The following TSPAN5 variants were observed in gnomAD, a reference collection of about 807,000 sequenced individuals.
TSPAN5 encodes tetraspanin-5.
In TSPAN5, 10 loss-of-function variants were observed where a neutral mutation model predicts 37.1. The ratio of observed to expected loss-of-function variants is 0.27; its 90% confidence interval spans 0.17 to 0.46. The LOEUF (loss-of-function observed/expected upper bound fraction) is 0.46, where lower values mean the gene tolerates loss of function less well. Among genes scored for constraint, TSPAN5 ranks in the 20% least tolerant of loss-of-function variants. The pLI is 1.00. For missense variants in TSPAN5, 195 were observed against 326.6 expected, an observed-to-expected ratio of 0.60 and a Z score of 3.11; for synonymous variants, 110 against 118.9, an observed-to-expected ratio of 0.93 and a Z score of 0.48.
intron 1 of TSPAN5, among the ~76,000 whole-genome samples, chr4:98,550,381 T>C (rs531652832): frequency 1.3e-5 from 2 of 152,324 alleles, no homozygotes; most frequent in African/African-American, 4.8e-5. Flanking sequence ...TTTGGTTCCA[T>C]ATGAATTTTA....
intron 2 of TSPAN5, among the ~76,000 whole-genome samples, chr4:98,491,631 T>A (rs186923003): frequency 2.5e-4 from 38 of 149,510 alleles, no homozygotes; most frequent in African/African-American, 8.9e-4. Context: ...GAGGTTGCAG[T>A]GAGCTGAGAT....
chr4:98,626,891 T>TG (rs1018561352), intron 1 of TSPAN5, among the ~76,000 whole-genome samples: 2 of 149,296 alleles, frequency 1.3e-5, no homozygotes, highest in African/African-American at 2.5e-5. Context: ...AGCAGGTTTT[T>TG]TTTTTTTTTT....
chr4:98,643,688 G>A (rs1757004030), intron 1 of TSPAN5, among the ~76,000 whole-genome samples: 1 of 152,022 alleles, frequency 6.6e-6, no homozygotes, highest in Non-Finnish European at 1.5e-5. Context: ...AGAATATTAG[G>A]GATTATTAAT....
chr4:98,568,560 A>G (rs1755056841), intron 1 of TSPAN5, among the ~76,000 whole-genome samples: 1 of 151,920 alleles, frequency 6.6e-6, no homozygotes, highest in Non-Finnish European at 1.5e-5. Flanking sequence ...ACCCACCACA[A>G]AAAAAAGAAA....
At chr4:98,569,535 G>A (rs182797987) in intron 1 of TSPAN5, among the ~76,000 whole-genome samples, 139 of 152,308 alleles carry the variant, frequency 9.1e-4, no homozygotes, top group African/African-American at 3.2e-3. Flanking sequence ...GGGGGTGCTC[G>A]TGTCAGCAAG....
At chr4:98,618,536 C>T (rs910713983) in intron 1 of TSPAN5, among the ~76,000 whole-genome samples, 5 of 151,232 alleles carry the variant, frequency 3.3e-5, no homozygotes, top group Non-Finnish European at 7.4e-5. Context: ...TTTATATGTA[C>T]GATTCACTAA....
At chr4:98,605,421 C>T (rs544662583) in intron 1 of TSPAN5, among the ~76,000 whole-genome samples, 10 of 152,168 alleles carry the variant, frequency 6.6e-5, no homozygotes, top group Non-Finnish European at 1.5e-4. Flanking sequence ...CAACACACGA[C>T]CGGTCAGCTG....
At chr4:98,592,970 G>C (rs1202991443) in intron 1 of TSPAN5, among the ~76,000 whole-genome samples, 3 of 114,286 alleles carry the variant, frequency 2.6e-5, no homozygotes, top group Non-Finnish European at 5.4e-5. Context: ...GGATGGCTGG[G>C]TCAAATGGTA....
intron 1 of TSPAN5, among the ~76,000 whole-genome samples, chr4:98,621,268 T>C (rs980014789): frequency 1.3e-5 from 2 of 152,034 alleles, no homozygotes; most frequent in African/African-American, 4.8e-5. Context: ...ATCTCAGAGC[T>C]GCAGCCTCCA....
intron 1 of TSPAN5, among the ~76,000 whole-genome samples, chr4:98,525,243 GA>G (rs1163977862): frequency 1.2e-4 from 19 of 152,344 alleles, no homozygotes; most frequent in Admixed American, 8.5e-4. Context: ...AGGTCTTCGA[GA>G]AATGTCATTT....
intron 2 of TSPAN5, among the ~76,000 whole-genome samples, chr4:98,500,526 C>G (rs956860034): frequency 1.3e-5 from 2 of 152,142 alleles, no homozygotes; most frequent in Non-Finnish European, 2.9e-5. Context: ...TGGAGGATGA[C>G]AGGGGACTGG....
Position 98,658,245 on chromosome 4 carries a change from C to G in TSPAN5, c.-19G>C, listed in dbSNP as rs202075917. 10 of 1,609,454 alleles carry G rather than the reference C, an allele frequency of 6.2e-6. No individual in the cohort carries two copies. The highest frequency in any genetic ancestry group is 8.5e-6 in the Non-Finnish European group (10 of 1,175,904). On this transcript the variant is annotated 5_prime_UTR_variant, in exon 1 of 8. Transcript: ENST00000305798. ...CGGACATCCTCTGGGTTCATGAAGACACTTGCCCCGGCAGCCCGAGTTTGG... is the reference window on the plus strand; with the variant it reads ...CGGACATCCTCTGGGTTCATGAAGAGACTTGCCCCGGCAGCCCGAGTTTGG...
intron 1 of TSPAN5, among the ~76,000 whole-genome samples, chr4:98,590,314 C>A (rs947378332): frequency 6.6e-6 from 1 of 152,150 alleles, no homozygotes; most frequent in Non-Finnish European, 1.5e-5. Flanking sequence ...TATGATGTGC[C>A]AGGCACAACA....
chr4:98,516,438 A>G (rs1753730701), intron 1 of TSPAN5, among the ~76,000 whole-genome samples: 1 of 152,236 alleles, frequency 6.6e-6, no homozygotes, highest in African/African-American at 2.4e-5. Flanking sequence ...GACTGCTTCC[A>G]GCTTCTTATC....
chr4:98,582,185 T>C (rs1755383868), intron 1 of TSPAN5, among the ~76,000 whole-genome samples: 1 of 152,254 alleles, frequency 6.6e-6, no homozygotes. Flanking sequence ...TGCGGTTCTC[T>C]TGTCCAGCGC....
At chr4:98,582,695 C>T (rs943720248) in intron 1 of TSPAN5, among the ~76,000 whole-genome samples, 4 of 152,174 alleles carry the variant, frequency 2.6e-5, no homozygotes, top group African/African-American at 9.7e-5. Context: ...TTTCTAACAG[C>T]TTATTTTCCA....
intron 3 of TSPAN5, chr4:98,485,649 C>T (rs577804970): frequency 5.3e-5 from 8 of 151,820 alleles, no homozygotes; most frequent in East Asian, 1.9e-4. Flanking sequence ...TGGGGCACAC[C>T]GTGTACCCTC....
Position 98,482,096 on chromosome 4 carries a change from T to C in TSPAN5, c.359A>G (p.Lys120Arg). The change falls in exon 4 of 8, where the codon AAA becomes AGA. Residue 120 changes from lysine (K) to arginine (R), a missense_variant. Transcript: ENST00000305798. The stretch of plus-strand genomic sequence containing the variant: ...GTTTATAAAGAAATACAGCTGGTCT[T>C]TGATCCAGTCTTTGAAAACAAATGC... Reference protein sequence around the residue: ...VLAFVFKDWIKDQLYFFINNN... With the variant: ...VLAFVFKDWIRDQLYFFINNN... The C allele has an allele frequency of 6.2e-7, 1 of 1,614,172 alleles. No individual in the cohort carries two copies. The highest frequency in any genetic ancestry group is 8.5e-7 in the Non-Finnish European group (1 of 1,180,014).
intron 1 of TSPAN5, among the ~76,000 whole-genome samples, chr4:98,649,935 C>T (rs1167099435): frequency 6.6e-6 from 1 of 152,180 alleles, no homozygotes; most frequent in Non-Finnish European, 1.5e-5. Context: ...ATATGTAGAC[C>T]TAACACTCTA....
Sources: gnomAD v4.1 joint callset for allele counts (sites outside exome capture counted in the v4.1 genomes callset) on GRCh38, gnomAD v4.1.1 for gene constraint, MANE v1.5 for transcripts, NCBI Gene and HGNC (gene_info 2026-07-23, HGNC 2026-07-21) for gene names.